XPNPEP3: variants seen among roughly 807,000 people sequenced by gnomAD.
XPNPEP3 encodes xaa-Pro aminopeptidase 3.
XPNPEP3 carries 41 observed loss-of-function variants against 60.0 expected under a neutral mutation model. That is an observed-to-expected ratio of 0.68 (90% confidence interval 0.53 to 0.89). The LOEUF is 0.89. Among genes scored for constraint, XPNPEP3 ranks in the 40% least tolerant of loss-of-function variants. The probability of loss-of-function intolerance (pLI) is 0.00; values close to 1 mark genes in which losing one functional copy is unlikely to be tolerated. For missense variants in XPNPEP3, 598 were observed against 638.9 expected, an observed-to-expected ratio of 0.94 and a Z score of 0.69; for synonymous variants, 212 against 223.2, an observed-to-expected ratio of 0.95 and a Z score of 0.45.
At position 40,910,481 on chromosome 22, in the gene XPNPEP3, G is replaced by C. The variant is rs1601516222; in HGVS notation, c.969+1246G>C. ...GCACTTGGGGAGGTCAAGGTGGGCA[G>C]ATCCCTTGAATGCAGGAGTTCAAGA... On this transcript the variant is annotated intron_variant, in intron 6 of 9. Transcript: ENST00000357137. Among the ~76,000 whole-genome samples the C allele has an allele frequency of 3.3e-5, 5 of 151,636 alleles. No individual in the cohort carries two copies. The South Asian group carries it at 1.0e-3, about 32-fold the overall frequency.
At chr22:40,910,821 T>C (rs2058174277) in intron 6 of XPNPEP3, among the ~76,000 whole-genome samples, 1 of 152,138 alleles carries the variant, frequency 6.6e-6, no homozygotes, top group South Asian at 2.1e-4. Flanking sequence ...CTGGTCAACA[T>C]GGTGAAACCC....
At chr22:40,865,746 G>A (rs1569014316) in intron 1 of XPNPEP3, among the ~76,000 whole-genome samples, 1 of 151,784 alleles carries the variant, frequency 6.6e-6, no homozygotes, top group Non-Finnish European at 1.5e-5. Flanking sequence ...GGCCAGGCTG[G>A]TCCCGAACTC....
chr22:40,925,507 T>C (rs1483076313), intron 9 of XPNPEP3, among the ~76,000 whole-genome samples: 1 of 152,234 alleles, frequency 6.6e-6, no homozygotes, highest in African/African-American at 2.4e-5. Flanking sequence ...TAGTTCAATC[T>C]GTTTGGTACA....
rs373059771 is a variant in XPNPEP3, at chr22:40,920,663, GA to G, written c.1056-1669del. Among the ~76,000 whole-genome samples the G allele has an allele frequency of 2.4e-4, 37 of 152,266 alleles. No homozygotes were observed. In the East Asian group the frequency reaches 6.2e-3, roughly 25 times the overall value. On this transcript the variant is annotated intron_variant, in intron 7 of 9. Coordinates refer to ENST00000357137, the MANE Select transcript of XPNPEP3 (RefSeq NM_022098.4). ...TTGAATCCAGAGTCTCTGATTAGTG[GA>G]CCCATATCAGTAAAGTTGCCTGATG... is the stretch of plus-strand genomic sequence containing the variant.
At chr22:40,862,191 A>AG (rs969272485) in intron 1 of XPNPEP3, 2 of 1,385,274 alleles carry the variant, frequency 1.4e-6, no homozygotes, top group African/African-American at 3.0e-5. Context: ...TATGTCAGAG[A>AG]GGGCTGCATT....
chr22:40,884,585 C>T (rs528608662), intron 3 of XPNPEP3, among the ~76,000 whole-genome samples: 1 of 151,756 alleles, frequency 6.6e-6, no homozygotes, highest in East Asian at 2.0e-4. Flanking sequence ...CCACCCCCCT[C>T]AGCCTCCCAG....
chr22:40,908,530 G>A (rs1190699828), intron 5 of XPNPEP3, among the ~76,000 whole-genome samples: 1 of 152,058 alleles, frequency 6.6e-6, no homozygotes, highest in African/African-American at 2.4e-5. Flanking sequence ...AATAGAGGTT[G>A]AGAAAGTGCT....
At chr22:40,915,616 A>G (rs2058193494) in intron 7 of XPNPEP3, among the ~76,000 whole-genome samples, 1 of 152,036 alleles carries the variant, frequency 6.6e-6, no homozygotes, top group Non-Finnish European at 1.5e-5. Context: ...GCCTGAGGAC[A>G]TTGCCCAATG....
At chr22:40,897,737 C>T (rs1008927011) in intron 4 of XPNPEP3, among the ~76,000 whole-genome samples, 3 of 152,160 alleles carry the variant, frequency 2.0e-5, no homozygotes, top group Non-Finnish European at 4.4e-5. Flanking sequence ...TACATTCTTG[C>T]CAATCGATAC....
chr22:40,914,020 G>A (rs2058185947), intron 6 of XPNPEP3, among the ~76,000 whole-genome samples: 1 of 151,928 alleles, frequency 6.6e-6, no homozygotes, highest in Admixed American at 6.6e-5. Flanking sequence ...GCAATCACCT[G>A]TAATCCCAGC....
At chr22:40,861,835 C>G in intron 1 of XPNPEP3, 1 of 1,613,908 alleles carries the variant, frequency 6.2e-7, no homozygotes, top group Non-Finnish European at 8.5e-7. Context: ...GATAATACCT[C>G]GTATGCCTCA....
intron 2 of XPNPEP3, among the ~76,000 whole-genome samples, chr22:40,877,052 T>C (rs1450004208): frequency 6.6e-6 from 1 of 152,214 alleles, no homozygotes; most frequent in African/African-American, 2.4e-5. Flanking sequence ...GCCACTCTTT[T>C]GGTTTCTGTC....
chr22:40,895,705 T>C (rs766647385), intron 4 of XPNPEP3, among the ~76,000 whole-genome samples: 2 of 152,146 alleles, frequency 1.3e-5, no homozygotes, highest in Non-Finnish European at 2.9e-5. Context: ...CCCTGGACTC[T>C]CACATTAAAA....
At chr22:40,857,295 C>A in intron 1 of XPNPEP3, 50 bp downstream of exon 1, 1 of 1,605,038 alleles carries the variant, frequency 6.2e-7, no homozygotes, top group Non-Finnish European at 8.5e-7. Flanking sequence ...CTGGAGGGAC[C>A]CAAGTTGGTC....
In XPNPEP3 at chr22:40,899,616, T is replaced by C. The variant is rs535866258; in HGVS notation, c.793-7971T>C. Among the ~76,000 whole-genome samples the C allele has an allele frequency of 2.2e-3, 340 of 151,964 alleles. 3 individuals are homozygous for C. Among genetic ancestry groups the C allele is most frequent in the African/African-American group, 8.0e-3 (333 of 41,454 alleles). On this transcript the variant is annotated intron_variant, in intron 4 of 9. Transcript: ENST00000357137. Reference sequence around the variant, plus strand: ...GTAGGTGGATCACGAGGTCAAGAGATAAGACCATCCTGGCCAACATGGTGA... The same window carrying C: ...GTAGGTGGATCACGAGGTCAAGAGACAAGACCATCCTGGCCAACATGGTGA...
At chr22:40,907,431 C>A (rs1283225737) in intron 4 of XPNPEP3, among the ~76,000 whole-genome samples, 156 bp from the exon 5 acceptor site, 2 of 151,130 alleles carry the variant, frequency 1.3e-5, no homozygotes, top group Admixed American at 6.6e-5. Context: ...AAAAAAAAAA[C>A]AAAAAAAACT....
intron 1 of XPNPEP3, chr22:40,860,114 C>T (rs1227034126): frequency 6.6e-6 from 1 of 152,140 alleles, no homozygotes; most frequent in Non-Finnish European, 1.5e-5. Flanking sequence ...GACAGGGTCA[C>T]ACTCTCAGCT....
chr22:40,911,045 A>G (rs1381937123), intron 6 of XPNPEP3, among the ~76,000 whole-genome samples: 1 of 152,136 alleles, frequency 6.6e-6, no homozygotes, highest in Non-Finnish European at 1.5e-5. Flanking sequence ...ATGATAATAT[A>G]AACCTTTCCT....
Position 40,928,976 on chromosome 22 carries a change from G to A in XPNPEP3, c.*2541G>A, listed in dbSNP as rs1465943321. ...TCAGAATGGAGGCTGCACAGCTGGAGTCTCCATCCCCCATACCCACCTTCC... is the reference window on the plus strand; with the variant it reads ...TCAGAATGGAGGCTGCACAGCTGGAATCTCCATCCCCCATACCCACCTTCC... On this transcript the variant is annotated 3_prime_UTR_variant, in exon 10 of 10. Transcript: ENST00000357137. 1.3e-5 allele frequency: 2 copies of A among 152,084 alleles called. No homozygotes were observed. Among genetic ancestry groups the A allele is most frequent in the African/African-American group, 4.8e-5 (2 of 41,398 alleles). The allele number at this position is 152,084 out of a possible 1,614,324, so 9.4% of individuals were successfully genotyped here.
Sources: allele counts gnomAD v4.1 joint callset (sites outside exome capture counted in the v4.1 genomes callset), GRCh38; gene constraint gnomAD v4.1.1; transcripts MANE v1.5; gene names NCBI Gene and HGNC (gene_info 2026-07-23, HGNC 2026-07-21).